The following SUMF1 variants were observed in gnomAD, a reference collection of about 807,000 sequenced individuals.
SUMF1 encodes formylglycine-generating enzyme.
SUMF1 carries 48 observed loss-of-function variants against 47.6 expected under a neutral mutation model. That is an observed-to-expected ratio of 1.01 (90% CI 0.80 to 1.28). SUMF1 has a LOEUF of 1.28. Among genes scored for constraint, SUMF1 ranks in the 50% most tolerant of loss-of-function variants. The pLI is 0.00. For synonymous variants in SUMF1, 230 were observed against 192.1 expected (o/e 1.20, Z -1.63); for missense variants, 571 against 485.4 (o/e 1.18, Z -1.66).
At chr3:4,359,910 G>C (rs1699705243), downstream of SUMF1, among the ~76,000 whole-genome samples, 1 of 152,100 alleles carries the variant, frequency 6.6e-6, no homozygotes. Context: ...CCAAAGTGCT[G>C]GGATTATAGG....
chr3:4,126,549 C>T (rs975371109), intron 8 of SUMF1, among the ~76,000 whole-genome samples: 1 of 151,928 alleles, frequency 6.6e-6, no homozygotes, highest in African/African-American at 2.4e-5. Flanking sequence ...TTGTTAAGAC[C>T]TTTGATTGTT....
chr3:4,415,146 G>C lies in SUMF1; in HGVS notation c.840+1982C>G, dbSNP rs144259767. On this transcript the variant is annotated intron_variant, in intron 6 of 8. Transcript: ENST00000272902. ...GGAGGCTGAGGCAGGAGAATCACTT[G>C]AACCCAGGAGGCGGAGGTTGGAGTG... Among the ~76,000 whole-genome samples, 382 of 146,052 alleles carry C rather than the reference G, an allele frequency of 2.6e-3. 2 individuals are homozygous for C. Among genetic ancestry groups the C allele is most frequent in the African/African-American group, 9.5e-3 (371 of 38,898 alleles).
At chr3:4,456,881 T>C (rs201738098) in intron 1 of SUMF1, among the ~76,000 whole-genome samples, 16,934 of 87,394 alleles carry the variant, frequency 0.19, 2,669 homozygotes, top group Non-Finnish European at 0.25. Context: ...TATCTATATG[T>C]GTGTGTATAT....
chr3:4,448,552 C>G (rs1335772920), intron 3 of SUMF1, among the ~76,000 whole-genome samples: 2 of 152,158 alleles, frequency 1.3e-5, no homozygotes, highest in Non-Finnish European at 2.9e-5. Flanking sequence ...ACCCTCACTC[C>G]TTCCCTTGTT....
At chr3:4,438,679 G>C (rs1047977101) in intron 3 of SUMF1, among the ~76,000 whole-genome samples, 14 of 152,036 alleles carry the variant, frequency 9.2e-5, no homozygotes, top group African/African-American at 3.1e-4. Context: ...GAATCACTAA[G>C]AGAAATTATC....
At chr3:4,435,798 A>G (rs1368631553) in intron 3 of SUMF1, among the ~76,000 whole-genome samples, 3 of 152,230 alleles carry the variant, frequency 2.0e-5, no homozygotes, top group Non-Finnish European at 4.4e-5. Context: ...ATGAAGGTGA[A>G]ATAAAAACAT....
rs184328725 is a variant in SUMF1 at position 4,287,060 on chromosome 3, T to C, written c.1014+89270A>G. Among the ~76,000 whole-genome samples the C allele has an allele frequency of 2.0e-5, 3 of 152,250 alleles. No homozygotes were observed. The East Asian group carries it at 5.8e-4, about 29-fold the overall frequency. The stretch of plus-strand genomic sequence containing the variant: ...CTTGTAACTGTCATTCTCTCACAAG[T>C]GTATGTGTTTTCCAGAGGCTACATG... On this transcript the variant is annotated intron_variant and NMD_transcript_variant, in intron 8 of 12. Coordinates refer to the SUMF1 transcript ENST00000448413.
rs1011350613 is a variant in SUMF1 at position 4,417,366 on chromosome 3, T to C, written c.726-124A>G. On this transcript the variant is annotated intron_variant, in intron 5 of 8. Transcript: ENST00000272902. ...TGTTCTGAGTGAGCCAGTTAAAATATATATATAAATAAATAAAGCTTTTAA... is the reference window on the plus strand; with the variant it reads ...TGTTCTGAGTGAGCCAGTTAAAATACATATATAAATAAATAAAGCTTTTAA... 40 of 639,880 alleles carry C rather than the reference T, an allele frequency of 6.3e-5. No individual in the cohort carries two copies. The African/African-American group carries it at 7.0e-4, about 11-fold the overall frequency. The allele number at this position is 639,880 out of a possible 1,614,324, so 39.6% of individuals were successfully genotyped here.
chr3:4,101,006 A>G (rs2125061354), intron 8 of SUMF1, among the ~76,000 whole-genome samples: 1 of 152,170 alleles, frequency 6.6e-6, no homozygotes, highest in African/African-American at 2.4e-5. Flanking sequence ...AAATATAACA[A>G]GTATTGCCAA....
chr3:4,039,545 T>C (rs920312416), intron 9 of SUMF1, among the ~76,000 whole-genome samples: 16 of 145,188 alleles, frequency 1.1e-4, no homozygotes, highest in South Asian at 6.8e-4. Flanking sequence ...CTACAAAGGA[T>C]ATGAACTCAT....
rs140058993 is a variant in SUMF1, at chr3:4,189,866, C to A, written c.1015-121121G>T. 3.9e-5 allele frequency among the ~76,000 whole-genome samples: 6 copies of A among 152,144 alleles called. No individual in the cohort carries two copies. The East Asian group carries it at 1.2e-3, about 29-fold the overall frequency. On this transcript the variant is annotated intron_variant and NMD_transcript_variant, in intron 8 of 12. Transcript: ENST00000448413. ...TATTCTTTTGCTGGTCTAAAATGTT[C>A]CTCCAACAGATTAGCTCAAACTGCC...
chr3:4,447,065 G>C (rs1051072447), intron 3 of SUMF1, among the ~76,000 whole-genome samples: 1 of 152,064 alleles, frequency 6.6e-6, no homozygotes, highest in Non-Finnish European at 1.5e-5. Context: ...TGCTGGGGTA[G>C]GCAGAAAAAT....
chr3:4,266,233 GA>G (rs1697192559), intron 8 of SUMF1, among the ~76,000 whole-genome samples: 1 of 152,178 alleles, frequency 6.6e-6, no homozygotes, highest in South Asian at 2.1e-4. Context: ...GGTTCCGTAT[GA>G]ACTTTAAAGT....
rs560856938 is a variant in SUMF1, at chr3:4,414,641, T to C, written c.840+2487A>G. The C allele has an allele frequency of 3.3e-5, 5 of 152,348 alleles. No homozygotes were observed. In the East Asian group the frequency reaches 5.8e-4, roughly 18 times the overall value. 9.4% of individuals were successfully genotyped at this position (152,348 alleles called of 1,614,324 possible). On this transcript the variant is annotated intron_variant, in intron 6 of 8. Transcript: ENST00000272902. ...GACTCCCAGTAAATGTTCTAATCTG[T>C]TTTAGTAACTTCCATGGCAACTTCT... is the stretch of plus-strand genomic sequence containing the variant.
chr3:4,168,669 A>G lies in SUMF1; in HGVS notation c.1015-99924T>C, dbSNP rs911499284. Among the ~76,000 whole-genome samples, 6 of 152,092 alleles carry G rather than the reference A, an allele frequency of 3.9e-5. No homozygotes were observed. In the South Asian group the frequency reaches 8.3e-4, roughly 21 times the overall value. On this transcript the variant is annotated intron_variant and NMD_transcript_variant, in intron 8 of 12. Coordinates refer to the SUMF1 transcript ENST00000448413. ...CAAGCAACTTTGGGTAAAAATCTCT[A>G]TTTTGCCACTTTCTGGTAATTATAT...
chr3:4,092,360 G>C (rs1158739919), intron 8 of SUMF1, among the ~76,000 whole-genome samples: 1 of 152,092 alleles, frequency 6.6e-6, no homozygotes, highest in Non-Finnish European at 1.5e-5. Flanking sequence ...GCAAGTAGCA[G>C]CACAAGCATC....
chr3:4,249,162 C>A (rs567914930), intron 8 of SUMF1, among the ~76,000 whole-genome samples: 1 of 152,302 alleles, frequency 6.6e-6, no homozygotes, highest in South Asian at 2.1e-4. Context: ...TGTTCTCTAG[C>A]AGAGTGGGTA....
At chr3:4,399,268 T>G (rs572108231) in intron 7 of SUMF1, among the ~76,000 whole-genome samples, 28 of 152,244 alleles carry the variant, frequency 1.8e-4, no homozygotes, top group African/African-American at 6.7e-4. Context: ...TATACAGGGA[T>G]GCAGGGTCTG....
At chr3:4,109,910 C>T (rs1369957589) in intron 8 of SUMF1, among the ~76,000 whole-genome samples, 3 of 152,052 alleles carry the variant, frequency 2.0e-5, no homozygotes, top group African/African-American at 7.2e-5. Context: ...TGTCTGAAGC[C>T]TTCTTCTCTC....
Sources: allele counts gnomAD v4.1 joint callset (sites outside exome capture counted in the v4.1 genomes callset), GRCh38; gene constraint gnomAD v4.1.1; transcripts MANE v1.5; gene names NCBI Gene and HGNC (gene_info 2026-07-23, HGNC 2026-07-21).